TMEM169: variants seen among roughly 807,000 people sequenced by gnomAD.
TMEM169 encodes transmembrane protein 169.
TMEM169 carries 18 observed loss-of-function variants against 27.3 expected under a neutral mutation model. The ratio of observed to expected loss-of-function variants is 0.66; its 90% CI spans 0.46 to 0.98. The LOEUF (loss-of-function observed/expected upper bound fraction) is 0.98, where lower values mean the gene tolerates loss of function less well. Ranked by LOEUF, TMEM169 falls within the 50% of genes least tolerant of loss-of-function variation. The pLI is 0.00. For synonymous variants in TMEM169, 136 were observed against 142.1 expected, an observed-to-expected ratio of 0.96 and a Z score of 0.30; for missense variants, 320 against 368.6, an observed-to-expected ratio of 0.87 and a Z score of 1.08.
In TMEM169 at chr2:216,099,801, T is replaced by G. The variant is rs1559229787; in HGVS notation, c.272-119T>G. On this transcript the variant is annotated intron_variant, in intron 2 of 2. Coordinates refer to ENST00000437356, the MANE Select transcript of TMEM169 (RefSeq NM_001142311.2). The surrounding 1 kb of genome is among the most constrained non-coding windows in gnomAD (Gnocchi z 5.0). Reference sequence around the variant, plus strand: ...CGCCATTGAATCACTGACTCAGGACTGTGCCAGATGGTGTAAAAAAGGCTA... The same window carrying G: ...CGCCATTGAATCACTGACTCAGGACGGTGCCAGATGGTGTAAAAAAGGCTA... The G allele has an allele frequency of 7.4e-7, 1 of 1,359,198 alleles. No homozygotes were observed. Among genetic ancestry groups the G allele is most frequent in the East Asian group, 2.3e-5 (1 of 43,494 alleles). 84.2% of individuals were successfully genotyped at this position (1,359,198 alleles called of 1,614,324 possible).
intron 1 of TMEM169, among the ~76,000 whole-genome samples, chr2:216,091,747 G>C (rs1237217712): frequency 2.0e-5 from 3 of 152,090 alleles, no homozygotes; most frequent in Non-Finnish European, 2.9e-5. Flanking sequence ...AAGCTACCTA[G>C]TCTATGGTAT....
chr2:216,084,142 T>C (rs1241913692), intron 1 of TMEM169, among the ~76,000 whole-genome samples: 33 of 152,086 alleles, frequency 2.2e-4, no homozygotes, highest in Non-Finnish European at 1.5e-5. Context: ...CATACCCCAT[T>C]AGCAATGACT....
At chr2:216,082,035 G>T in intron 1 of TMEM169, 56 bp downstream of exon 1, 8 of 322,656 alleles carry the variant, frequency 2.5e-5, no homozygotes, top group East Asian at 7.6e-5. Context: ...GGGTGGAAGG[G>T]AAATGCAAAA....
intron 1 of TMEM169, chr2:216,082,978 G>A (rs2105976609): frequency 6.6e-6 from 1 of 152,350 alleles, no homozygotes; most frequent in South Asian, 2.1e-4. Context: ...GGTTGACAGA[G>A]GAATCAGACC....
At position 216,099,811 on chromosome 2, in the gene TMEM169, G is replaced by A. The variant is rs910126088; in HGVS notation, c.272-109G>A. 9.8e-6 allele frequency: 14 copies of A among 1,423,720 alleles called. No individual in the cohort carries two copies. Among genetic ancestry groups the A allele is most frequent in the African/African-American group, 1.4e-5 (1 of 69,686 alleles). The allele number at this position is 1,423,720 out of a possible 1,614,324, so 88.2% of individuals were successfully genotyped here. On this transcript the variant is annotated intron_variant, in intron 2 of 2. Transcript: ENST00000437356. The surrounding 1 kb of genome is among the most constrained non-coding windows in gnomAD (Gnocchi z 5.0). ...TCACTGACTCAGGACTGTGCCAGAT[G>A]GTGTAAAAAAGGCTACTCTTGTCCT... is the stretch of plus-strand genomic sequence containing the variant.
intron 1 of TMEM169, among the ~76,000 whole-genome samples, chr2:216,085,649 T>C (rs1427675150): frequency 1.3e-5 from 2 of 152,122 alleles, no homozygotes; most frequent in Admixed American, 6.5e-5. Context: ...GGCGGGCGGA[T>C]CACCTGAGGT....
chr2:216,099,930 C>T lies in TMEM169; in HGVS notation c.282C>T (p.Asn94=). ...LDYPVDDDMW[N]LPLDSRYVTL... is the part of the protein sequence containing the mutation. ...CTTTGTACCCTGCAGATATGTGGAA[C>T]CTGCCTCTGGACAGCCGCTACGTCA... The change falls in exon 3 of 3, where the codon AAC becomes AAT. Residue 94 remains asparagine (N), a synonymous_variant. Transcript: ENST00000437356. This position sits in a 1 kb window ranked among gnomAD's most constrained non-coding sequence, Gnocchi z 5.0. 6.2e-7 allele frequency: 1 copy of T among 1,611,848 alleles called. No homozygotes were observed. The highest frequency in any genetic ancestry group is 1.1e-5 in the South Asian group (1 of 90,732).
intron 2 of TMEM169, among the ~76,000 whole-genome samples, chr2:216,098,864 A>T (rs544189123): frequency 6.7e-6 from 1 of 148,468 alleles, no homozygotes; most frequent in East Asian, 2.0e-4. Flanking sequence ...ATGGGGGAGT[A>T]TATGGTGTAC....
rs1300645882 is a variant in TMEM169, at chr2:216,096,235, G to A, written c.271+1G>A. ...TTCCTAGACTATCCTGTGGATGATG[G>A]TAAGTCTCTCTAGCCCACTTGTTTA... On this transcript the variant is annotated splice_donor_variant, in intron 2 of 2. Transcript: ENST00000437356. LOFTEE classifies it high-confidence loss of function. 1 of 1,612,620 alleles carries A rather than the reference G, an allele frequency of 6.2e-7. No homozygotes were observed. Among genetic ancestry groups the A allele is most frequent in the South Asian group, 1.1e-5 (1 of 90,868 alleles).
At position 216,081,999 on chromosome 2, in the gene TMEM169, T is replaced by C; in HGVS notation, c.-127+20T>C. The C allele has an allele frequency of 2.1e-6, 1 of 478,922 alleles. No individual in the cohort carries two copies. The highest frequency in any genetic ancestry group is 3.7e-6 in the Non-Finnish European group (1 of 269,914). The allele number at this position is 478,922 out of a possible 1,614,324, so 29.7% of individuals were successfully genotyped here. ...GTGTGGGTGAGACTGCTCGTTCGTT[T>C]CTTTAAATTTCGATGCCATTGGGGA... On this transcript the variant is annotated intron_variant, in intron 1 of 2. Transcript: ENST00000437356.
chr2:216,085,207 C>G (rs375501929), intron 1 of TMEM169, among the ~76,000 whole-genome samples: 1 of 152,178 alleles, frequency 6.6e-6, no homozygotes, highest in East Asian at 1.9e-4. Context: ...TGGCTCATGC[C>G]TGGAATCCCA....
In TMEM169 at chr2:216,096,071, A is replaced by G; in HGVS notation, c.108A>G (p.Thr36=). 1 of 1,614,202 alleles carries G rather than the reference A, an allele frequency of 6.2e-7. No homozygotes were observed. Among genetic ancestry groups the G allele is most frequent in the Non-Finnish European group, 8.5e-7 (1 of 1,180,022 alleles). The part of the protein sequence containing the change: ...AAALALDGES[T]MGHRKKKRKE... ...CCCTGGCGCTGGATGGGGAATCCAC[A>G]ATGGGGCACAGGAAAAAGAAGAGGA... The change falls in exon 2 of 3, where the codon ACA becomes ACG. Residue 36 remains threonine, a synonymous_variant. Coordinates refer to ENST00000437356, the MANE Select transcript of TMEM169 (RefSeq NM_001142311.2).
At chr2:216,098,714 T>TTG (rs34734178) in intron 2 of TMEM169, among the ~76,000 whole-genome samples, 141 of 149,624 alleles carry the variant, frequency 9.4e-4, no homozygotes, top group East Asian at 6.5e-3. Context: ...TGTGGGTGCG[T>TTG]TGTGTGTGTG....
intron 2 of TMEM169, 80 bp downstream of exon 2, chr2:216,096,314 T>C: frequency 6.9e-7 from 1 of 1,454,344 alleles, no homozygotes. Flanking sequence ...AGGCATATGC[T>C]CACTGTCCTA....
At chr2:216,093,532 C>T (rs1193560529) in intron 1 of TMEM169, among the ~76,000 whole-genome samples, 1 of 152,118 alleles carries the variant, frequency 6.6e-6, no homozygotes, top group Non-Finnish European at 1.5e-5. Flanking sequence ...GTGAAACCTG[C>T]CCATTTCATC....
At position 216,099,781 on chromosome 2, in the gene TMEM169, T is replaced by C. The variant is rs1696343034; in HGVS notation, c.272-139T>C. The C allele has an allele frequency of 5.9e-6, 7 of 1,184,020 alleles. No individual in the cohort carries two copies. The South Asian group carries it at 9.1e-5, about 15-fold the overall frequency. The allele number at this position is 1,184,020 out of a possible 1,614,324, so 73.3% of individuals were successfully genotyped here. On this transcript the variant is annotated intron_variant, in intron 2 of 2. Transcript: ENST00000437356. The surrounding 1 kb of genome is among the most constrained non-coding windows in gnomAD (Gnocchi z 5.0). ...CGAGGGAGACCCACTCAGTCCGCCA[T>C]TGAATCACTGACTCAGGACTGTGCC...
Position 216,100,074 on chromosome 2 carries a change from G to A in TMEM169, c.426G>A (p.Thr142=), listed in dbSNP as rs201214676. The A allele has an allele frequency of 1.7e-5, 27 of 1,614,164 alleles. No individual in the cohort carries two copies. The highest frequency in any genetic ancestry group is 1.3e-4 in the Admixed American group (8 of 60,016). ...LTKPKESSRE[T]TPEGRMACQM... Reference sequence around the variant, plus strand: ...AACCTAAAGAGTCATCAAGGGAAACGACGCCTGAAGGAAGAATGGCCTGCC... The same window carrying A: ...AACCTAAAGAGTCATCAAGGGAAACAACGCCTGAAGGAAGAATGGCCTGCC... The change falls in exon 3 of 3, where the codon ACG becomes ACA. Residue 142 remains threonine (T), a synonymous_variant. Coordinates refer to ENST00000437356, the MANE Select transcript of TMEM169 (RefSeq NM_001142311.2).
In TMEM169 at chr2:216,096,113, A is replaced by G; in HGVS notation, c.150A>G (p.Glu50=). Residue 50 remains glutamate, a synonymous_variant, in exon 2 of 3, where the codon GAA becomes GAG. Transcript: ENST00000437356. ...RKKKRKESRP[E]SIIIYRSDNE... ...AGAAGAGGAAAGAGTCACGCCCAGA[A>G]TCCATCATCATCTACCGCTCAGACA... 6.2e-7 allele frequency: 1 copy of G among 1,614,178 alleles called. No individual in the cohort carries two copies. The highest frequency in any genetic ancestry group is 8.5e-7 in the Non-Finnish European group (1 of 1,180,032).
chr2:216,083,675 T>C (rs2105977273), intron 1 of TMEM169, among the ~76,000 whole-genome samples: 1 of 152,234 alleles, frequency 6.6e-6, no homozygotes, highest in East Asian at 1.9e-4. Flanking sequence ...CTACTGAGGA[T>C]GACAAGGTGC....
Sources: allele counts gnomAD v4.1 joint callset (sites outside exome capture counted in the v4.1 genomes callset), GRCh38; gene constraint gnomAD v4.1.1; non-coding constraint Gnocchi (gnomAD v3.1); transcripts MANE v1.5; gene names NCBI Gene and HGNC (gene_info 2026-07-23, HGNC 2026-07-21).